The following STRN variants were observed in gnomAD, a reference collection of about 807,000 sequenced individuals.
STRN encodes the protein protein phosphatase 2 regulatory subunit B'''alpha.
In STRN, 53 loss-of-function variants were observed where a neutral mutation model predicts 96.3. The observed-to-expected ratio is 0.55, with a 90% confidence interval of 0.44 to 0.69. The LOEUF (loss-of-function observed/expected upper bound fraction) is 0.69. Ranked by LOEUF, STRN falls within the 30% of genes least tolerant of loss-of-function variation. The probability of loss-of-function intolerance (pLI) is 0.00; values close to 1 mark genes in which losing one functional copy is unlikely to be tolerated. For missense variants in STRN, 987 were observed against 963.9 expected (o/e 1.02, Z -0.32); for synonymous variants, 428 against 355.9 (o/e 1.20, Z -2.28).
intron 9 of STRN, among the ~76,000 whole-genome samples, chr2:36,883,526 G>T (rs1669133665): frequency 6.6e-6 from 1 of 152,132 alleles, no homozygotes; most frequent in African/African-American, 2.4e-5. Flanking sequence ...AGCAGAATAT[G>T]TGACTAGACT....
chr2:36,927,604 G>A (rs1326487991), intron 1 of STRN, among the ~76,000 whole-genome samples: 1 of 151,476 alleles, frequency 6.6e-6, no homozygotes, highest in Admixed American at 6.6e-5. Context: ...TGAGGTGAGA[G>A]GATAGCTTGA....
intron 1 of STRN, among the ~76,000 whole-genome samples, chr2:36,928,767 A>G (rs942008486): frequency 2.0e-5 from 3 of 150,888 alleles, no homozygotes; most frequent in African/African-American, 7.3e-5. Context: ...AGATGGTGAA[A>G]CCCCATCTCT....
chr2:36,850,274 C>A (rs1254614369), intron 16 of STRN, among the ~76,000 whole-genome samples: 1 of 152,180 alleles, frequency 6.6e-6, no homozygotes, highest in Non-Finnish European at 1.5e-5. Flanking sequence ...TTAAATGATT[C>A]ATCACCAGCA....
At position 36,850,884 on chromosome 2, in the gene STRN, G is replaced by A. The variant is rs1489250708; in HGVS notation, c.2086+116C>T. The A allele has an allele frequency of 2.8e-5, 18 of 651,084 alleles. No individual in the cohort carries two copies. The East Asian group carries it at 4.9e-4, about 18-fold the overall frequency. 40.3% of individuals were successfully genotyped at this position (651,084 alleles called of 1,614,324 possible). A position where few individuals can be genotyped will look rare whatever the true frequency, so the allele number is the denominator to read the frequency against. On this transcript the variant is annotated intron_variant, in intron 16 of 17. Coordinates refer to ENST00000263918, the MANE Select transcript of STRN (RefSeq NM_003162.4). ...GAAACTGAGACGGGAGAGTATTTGG[G>A]GTTCAGTGCCTATTCCCTGACTACG...
Position 36,916,087 on chromosome 2 carries a change from A to G in STRN, c.403T>C (p.Tyr135His). 1 of 1,613,042 alleles carries G rather than the reference A, an allele frequency of 6.2e-7. No homozygotes were observed. The highest frequency in any genetic ancestry group is 8.5e-7 in the Non-Finnish European group (1 of 1,179,570). ...ATTAAAATTAGCTTACCAGAATCAT[A>G]GCTTGGAGGCTTCATATCTCCCTGA... ...LNQGDMKPPS[Y>H]DSDEGNETEV... The change falls in exon 3 of 18, where the codon TAT becomes CAT. Residue 135 changes from tyrosine (Y) to histidine (H), a missense_variant. Physicochemically the swap from Tyr to His is moderately conservative, Grantham distance 83 (BLOSUM62 2). Transcript: ENST00000263918.
At chr2:36,863,309 G>A (rs756648701) in intron 12 of STRN, among the ~76,000 whole-genome samples, 1 of 151,970 alleles carries the variant, frequency 6.6e-6, no homozygotes, top group Non-Finnish European at 1.5e-5. Flanking sequence ...TTAGTTTTAG[G>A]TTTTGCATTT....
chr2:36,899,590 T>G lies in STRN; in HGVS notation c.728A>C (p.Asp243Ala). The change falls in exon 6 of 18, where the codon GAT becomes GCT. Residue 243 changes from aspartate to alanine, a missense_variant. Physicochemically the swap from Asp to Ala is moderately radical, Grantham distance 126. Transcript: ENST00000263918. ...ATCATCTTCATCTTCATCACTGAAA[T>G]CTGCAGCTGCACTTTCAAGGAATTT... is the stretch of plus-strand genomic sequence containing the variant. ...NFKFLESAAA[D>A]FSDEDEDDDV... The G allele has an allele frequency of 6.2e-7, 1 of 1,613,742 alleles. No individual in the cohort carries two copies. The highest frequency in any genetic ancestry group is 8.5e-7 in the Non-Finnish European group (1 of 1,179,920).
chr2:36,917,892 T>C (rs1431766002), intron 2 of STRN, among the ~76,000 whole-genome samples: 1 of 152,160 alleles, frequency 6.6e-6, no homozygotes, highest in Admixed American at 6.5e-5. Flanking sequence ...AGGTACAAAA[T>C]ACTATGTATG....
At chr2:36,903,097 G>A (rs767800717) in intron 4 of STRN, among the ~76,000 whole-genome samples, 53 of 152,060 alleles carry the variant, frequency 3.5e-4, no homozygotes, top group African/African-American at 8.2e-4. Flanking sequence ...TAGTTATTCC[G>A]GTAGTTTTTT....
In STRN at chr2:36,966,353, C is replaced by T. The variant is rs1665163144; in HGVS notation, c.111G>A (p.Ala37=). ...LAEAAAAGDG[A]AAAGAARAQY... ...GGGCTCGGGCCGCCCCCGCCGCAGC[C>T]GCCCCGTCGCCGGCCGCGGCAGCCT... Residue 37 remains alanine (A), a synonymous_variant, in exon 1 of 18, where the codon GCG becomes GCA. Coordinates refer to ENST00000263918, the MANE Select transcript of STRN (RefSeq NM_003162.4). 4.7e-6 allele frequency: 7 copies of T among 1,475,408 alleles called. No individual in the cohort carries two copies. Among genetic ancestry groups the T allele is most frequent in the East Asian group, 3.0e-5 (1 of 33,866 alleles). 91.4% of individuals were successfully genotyped at this position (1,475,408 alleles called of 1,614,324 possible).
At chr2:36,944,858 G>T (rs1358477203) in intron 1 of STRN, among the ~76,000 whole-genome samples, 1 of 152,112 alleles carries the variant, frequency 6.6e-6, no homozygotes, top group Non-Finnish European at 1.5e-5. Flanking sequence ...ATAAGTAGGA[G>T]ATATAACTTT....
intron 8 of STRN, 73 bp downstream of exon 8, chr2:36,886,643 A>C: frequency 1.7e-6 from 2 of 1,202,196 alleles, no homozygotes; most frequent in Non-Finnish European, 2.4e-6. Flanking sequence ...ATTTAGGAAA[A>C]CATTGAAAAA....
Position 36,925,250 on chromosome 2 carries a change from A to C in STRN, c.235-42T>G, listed in dbSNP as rs533697481. 21 of 1,513,990 alleles carry C rather than the reference A, an allele frequency of 1.4e-5. 2 individuals are homozygous for C. The highest frequency in any genetic ancestry group is 1.7e-4 in the Middle Eastern group (1 of 5,742). The allele number at this position is 1,513,990 out of a possible 1,614,324, so 93.8% of individuals were successfully genotyped here. On this transcript the variant is annotated intron_variant, in intron 1 of 17. Transcript: ENST00000263918. ...CAGAAAAAATTCAGTTTAGACCAAA[A>C]AAAAAAGTTTTTTTAACTCAGTAAA...
At chr2:36,937,012 A>AG (rs1216518020) in intron 1 of STRN, among the ~76,000 whole-genome samples, 1 of 152,206 alleles carries the variant, frequency 6.6e-6, no homozygotes, top group African/African-American at 2.4e-5. Context: ...AGTAGGACCC[A>AG]GACTCAAGCT....
chr2:36,867,982 C>A, intron 11 of STRN, 121 bp from the exon 12 acceptor site: 1 of 613,500 alleles, frequency 1.6e-6, no homozygotes, highest in Non-Finnish European at 2.6e-6. Context: ...CTCAACTACA[C>A]GATACGTAAG....
rs928551304 is a variant in STRN, at chr2:36,848,353, T to A, written c.*1103A>T. ...CTAGGGTACAAAATATTTGTTTTTA[T>A]TAGTGCTTCTGCAAAAGCAGCTGCG... On this transcript the variant is annotated 3_prime_UTR_variant, in exon 18 of 18. Coordinates refer to ENST00000263918, the MANE Select transcript of STRN (RefSeq NM_003162.4). 6.6e-6 allele frequency: 1 copy of A among 152,210 alleles called. No homozygotes were observed. The highest frequency in any genetic ancestry group is 2.4e-5 in the African/African-American group (1 of 41,444). The allele number at this position is 152,210 out of a possible 1,614,324, so 9.4% of individuals were successfully genotyped here.
At position 36,938,969 on chromosome 2, in the gene STRN, GT is replaced by G. The variant is rs879423060; in HGVS notation, c.235-13762del. The stretch of plus-strand genomic sequence containing the variant: ...AACCTTCATTTTCTAAGTGTGTCAA[GT>G]TTTTTTTTTTTATTTGTTTGTTTGT... On this transcript the variant is annotated intron_variant, in intron 1 of 17. Coordinates refer to ENST00000263918, the MANE Select transcript of STRN (RefSeq NM_003162.4). Among the ~76,000 whole-genome samples, 424 of 146,602 alleles carry G rather than the reference GT, an allele frequency of 2.9e-3. 2 individuals are homozygous for G. The highest frequency in any genetic ancestry group is 9.6e-3 in the African/African-American group (389 of 40,474).
chr2:36,898,502 T>C (rs2148194596), intron 6 of STRN, among the ~76,000 whole-genome samples: 1 of 152,352 alleles, frequency 6.6e-6, no homozygotes, highest in South Asian at 2.1e-4. Flanking sequence ...TGATGGAGCC[T>C]CAGAAGCAGA....
intron 3 of STRN, among the ~76,000 whole-genome samples, chr2:36,915,172 G>A (rs57644053): frequency 0.05 from 7,242 of 144,820 alleles, 642 homozygotes; most frequent in African/African-American, 0.17. Flanking sequence ...ACTCCAGGCT[G>A]GGTGACAGAG....
Sources: gnomAD v4.1 joint callset for allele counts (sites outside exome capture counted in the v4.1 genomes callset) on GRCh38, gnomAD v4.1.1 for gene constraint, MANE v1.5 for transcripts, NCBI Gene and HGNC (gene_info 2026-07-23, HGNC 2026-07-21) for gene names.